Variants in CNTNAP5 observed in about 807,000 individuals in gnomAD.
The protein encoded by CNTNAP5 is contactin associated protein family member 5.
CNTNAP5 carries 72 observed loss-of-function variants against 150.2 expected under a neutral mutation model. That is an observed-to-expected ratio of 0.48 (90% CI 0.40 to 0.58). The LOEUF is 0.58. Ranked by LOEUF, CNTNAP5 falls within the 20% of genes least tolerant of loss-of-function variation. The probability of loss-of-function intolerance (pLI) is 0.00; values close to 1 mark genes in which losing one functional copy is unlikely to be tolerated. For synonymous variants in CNTNAP5, 672 were observed against 619.8 expected, an observed-to-expected ratio of 1.08 and a Z score of -1.25; for missense variants, 1,636 against 1,626.2, an observed-to-expected ratio of 1.01 and a Z score of -0.10.
intron 17 of CNTNAP5, among the ~76,000 whole-genome samples, chr2:124,785,041 G>A (rs377164985): frequency 6.0e-3 from 742 of 123,306 alleles, no homozygotes; most frequent in Non-Finnish European, 6.7e-3. Context: ...TTAAGGCTGA[G>A]AAAAAAAAAA....
chr2:124,127,142 T>C (rs1683726195), intron 1 of CNTNAP5, among the ~76,000 whole-genome samples: 1 of 152,162 alleles, frequency 6.6e-6, no homozygotes. Flanking sequence ...AGATGACATA[T>C]TGTATATTTA....
intron 13 of CNTNAP5, among the ~76,000 whole-genome samples, chr2:124,707,941 C>T (rs76888251): frequency 0.2 from 30,970 of 151,954 alleles, 3,232 homozygotes; most frequent in East Asian, 0.24. Flanking sequence ...CAGGATAAAA[C>T]TTTTAAAAAA....
chr2:124,844,329 T>G (rs1476529031), intron 19 of CNTNAP5, among the ~76,000 whole-genome samples: 1 of 152,124 alleles, frequency 6.6e-6, no homozygotes, highest in Non-Finnish European at 1.5e-5. Flanking sequence ...CGTAAATATT[T>G]GGCTTTATTT....
rs547587882 is a variant in CNTNAP5, at chr2:124,557,723, A to C, written c.1650-5494A>C. Among the ~76,000 whole-genome samples the C allele has an allele frequency of 7.2e-5, 11 of 152,270 alleles. No homozygotes were observed. The South Asian group carries it at 2.3e-3, about 32-fold the overall frequency. ...AATGGCAGGAAAAGAGATTCCAGGG[A>C]AACAATGAGGAAGGTTTGCACATTA... On this transcript the variant is annotated intron_variant, in intron 10 of 23. Coordinates refer to ENST00000682447, the MANE Select transcript of CNTNAP5 (RefSeq NM_001367498.1).
At chr2:124,436,976 A>G (rs1175579943) in intron 5 of CNTNAP5, among the ~76,000 whole-genome samples, 2 of 152,170 alleles carry the variant, frequency 1.3e-5, no homozygotes, top group Non-Finnish European at 2.9e-5. Flanking sequence ...TCTTCTAGAG[A>G]AACACTGCCA....
intron 3 of CNTNAP5, among the ~76,000 whole-genome samples, chr2:124,389,421 C>T (rs1691053828): frequency 6.6e-6 from 1 of 152,134 alleles, no homozygotes; most frequent in Admixed American, 6.5e-5. Flanking sequence ...CCTGCTATAG[C>T]TAGTTAGCCC....
At chr2:124,826,233 A>G (rs1682589721) in intron 19 of CNTNAP5, among the ~76,000 whole-genome samples, 1 of 152,144 alleles carries the variant, frequency 6.6e-6, no homozygotes, top group East Asian at 1.9e-4. Flanking sequence ...AACCTTTCCA[A>G]AGTATTTGTC....
chr2:124,081,958 C>T (rs1387532557), intron 1 of CNTNAP5, among the ~76,000 whole-genome samples: 1 of 152,028 alleles, frequency 6.6e-6, no homozygotes, highest in Non-Finnish European at 1.5e-5. Context: ...CCCTATATTG[C>T]CCTTTTATAG....
chr2:124,773,024 G>A lies in CNTNAP5; in HGVS notation c.2752+7G>A, dbSNP rs751364383. Reference sequence around the variant, plus strand: ...AACAGCCAGTTGTTTGTAGGTAGGGGACATCTTAAGGCTCCTTTTGTGCTA... The same window carrying A: ...AACAGCCAGTTGTTTGTAGGTAGGGAACATCTTAAGGCTCCTTTTGTGCTA... On this transcript the variant is annotated splice_region_variant and intron_variant, in intron 17 of 23. Coordinates refer to ENST00000682447, the MANE Select transcript of CNTNAP5 (RefSeq NM_001367498.1). 3.1e-6 allele frequency: 5 copies of A among 1,609,832 alleles called. No homozygotes were observed. The Admixed American group carries it at 5.0e-5, about 16-fold the overall frequency.
At chr2:124,170,846 A>G (rs1029551916) in intron 1 of CNTNAP5, among the ~76,000 whole-genome samples, 17 of 151,734 alleles carry the variant, frequency 1.1e-4, no homozygotes, top group African/African-American at 4.1e-4. Context: ...GAGGGAGTGG[A>G]AAGACCGTGT....
At chr2:124,417,831 T>G (rs978707550) in intron 4 of CNTNAP5, among the ~76,000 whole-genome samples, 1 of 152,188 alleles carries the variant, frequency 6.6e-6, no homozygotes, top group South Asian at 2.1e-4. Flanking sequence ...AATTAATAAC[T>G]CTTGGGGAAT....
At chr2:124,457,805 T>A (rs1215557962) in intron 6 of CNTNAP5, among the ~76,000 whole-genome samples, 3 of 152,034 alleles carry the variant, frequency 2.0e-5, no homozygotes, top group African/African-American at 7.2e-5. Context: ...AACAAACATA[T>A]GAAAAAATGC....
intron 3 of CNTNAP5, among the ~76,000 whole-genome samples, chr2:124,289,611 C>T (rs1301823399): frequency 6.6e-6 from 1 of 152,180 alleles, no homozygotes; most frequent in Non-Finnish European, 1.5e-5. Flanking sequence ...TACGAACATT[C>T]ATTGCATAGC....
intron 1 of CNTNAP5, among the ~76,000 whole-genome samples, chr2:124,152,477 A>G (rs1041302844): frequency 9.2e-5 from 14 of 152,200 alleles, no homozygotes; most frequent in East Asian, 3.9e-4. Context: ...CCTTTTGCTC[A>G]TTCCTTTGTT....
At position 124,350,572 on chromosome 2, in the gene CNTNAP5, TAA is replaced by T. The variant is rs561354065; in HGVS notation, c.382-66868_382-66867del. Among the ~76,000 whole-genome samples, 114 of 152,106 alleles carry T rather than the reference TAA, an allele frequency of 7.5e-4. 1 individual carries two copies. Among genetic ancestry groups the T allele is most frequent in the Middle Eastern group, 6.8e-3 (2 of 294 alleles). Reference sequence around the variant, plus strand: ...AAATATAAATAACTTCAGAAAAATTTAAAATCTACCCCCGCAAAAGCTTCAAT... The same window carrying T: ...AAATATAAATAACTTCAGAAAAATTTAATCTACCCCCGCAAAAGCTTCAAT... On this transcript the variant is annotated intron_variant, in intron 3 of 23. Transcript: ENST00000682447.
intron 6 of CNTNAP5, among the ~76,000 whole-genome samples, chr2:124,463,401 G>A (rs1693299198): frequency 6.6e-6 from 1 of 152,190 alleles, no homozygotes; most frequent in Admixed American, 6.6e-5. Flanking sequence ...TAAGCCAGGA[G>A]CAATAAGGAC....
intron 1 of CNTNAP5, among the ~76,000 whole-genome samples, chr2:124,191,141 A>G (rs6754926): frequency 0.16 from 25,104 of 152,214 alleles, 2,133 homozygotes; most frequent in Middle Eastern, 0.32. Context: ...GCAAACACCA[A>G]TAGGTATCTT....
At chr2:124,134,803 T>C (rs978841474) in intron 1 of CNTNAP5, among the ~76,000 whole-genome samples, 5 of 152,154 alleles carry the variant, frequency 3.3e-5, no homozygotes, top group African/African-American at 1.2e-4. Flanking sequence ...CAAGACTCTA[T>C]CCTCCCAGAA....
rs111838803 is a variant in CNTNAP5, at chr2:124,270,980, T to C, written c.381+28587T>C. On this transcript the variant is annotated intron_variant, in intron 3 of 23. Transcript: ENST00000682447. ...CTGACTGCTGGACTGTGGCAAGGAA[T>C]AGGATTTTTTTATAGAGAGATGTCG... 4.7e-4 allele frequency among the ~76,000 whole-genome samples: 71 copies of C among 152,192 alleles called. 1 individual carries two copies. Among genetic ancestry groups the C allele is most frequent in the Admixed American group, 2.8e-3 (43 of 15,276 alleles).
Sources: gnomAD v4.1 joint callset for allele counts (sites outside exome capture counted in the v4.1 genomes callset) on GRCh38, gnomAD v4.1.1 for gene constraint, MANE v1.5 for transcripts, NCBI Gene and HGNC (gene_info 2026-07-23, HGNC 2026-07-21) for gene names.